Variants in MYO9A observed in about 807,000 individuals in gnomAD.
MYO9A encodes myosin IXA.
In MYO9A, 103 loss-of-function variants were observed where a neutral mutation model predicts 293.3. The ratio of observed to expected loss-of-function variants is 0.35; its 90% CI spans 0.30 to 0.41. The LOEUF is 0.41. MYO9A is among the 10% of genes least tolerant of loss of function. MYO9A has a pLI of 1.00. For synonymous variants in MYO9A, 1,001 were observed against 1,035.7 expected (o/e 0.97, Z 0.64); for missense variants, 2,685 against 3,033.0 (o/e 0.89, Z 2.69).
intron 1 of MYO9A, among the ~76,000 whole-genome samples, chr15:72,077,748 AAAAAATATATAT>A (rs1285666559): frequency 7.0e-3 from 231 of 32,806 alleles, no homozygotes; most frequent in African/African-American, 0.022. Flanking sequence ...AAAAAAAAAA[AAAAAATATATAT>A]ATATATATAT....
Position 71,846,922 on chromosome 15 carries a change from G to A in MYO9A, c.6837+1923C>T, listed in dbSNP as rs1051502434. Among the ~76,000 whole-genome samples, 21 of 152,256 alleles carry A rather than the reference G, an allele frequency of 1.4e-4. 1 individual carries two copies. The East Asian group carries it at 4.1e-3, about 29-fold the overall frequency. On this transcript the variant is annotated intron_variant, in intron 39 of 41. Coordinates refer to ENST00000356056, the MANE Select transcript of MYO9A (RefSeq NM_006901.4). ...TAGCTCTGTCTGATAAATGCTAAGT[G>A]GATAAGAACCATATTTCTACATCTG...
chr15:71,859,882 AC>A, intron 33 of MYO9A, 86 bp from the exon 34 acceptor site: 2 of 1,189,354 alleles, frequency 1.7e-6, no homozygotes, highest in Non-Finnish European at 2.4e-6. Flanking sequence ...TTTTAGACCT[AC>A]GTTTTTTTCT....
intron 12 of MYO9A, among the ~76,000 whole-genome samples, chr15:71,975,128 TTGAGTG>T (rs2076104698): frequency 6.6e-6 from 1 of 152,194 alleles, no homozygotes; most frequent in African/African-American, 2.4e-5. Context: ...GCCTGCAAAC[TTGAGTG>T]GTCTCTCCCT....
chr15:72,114,354 C>G (rs1236672298), intron 1 of MYO9A: 1 of 152,162 alleles, frequency 6.6e-6, no homozygotes, highest in African/African-American at 2.4e-5. Flanking sequence ...AGAAGCCCAA[C>G]AAACAGATAT....
At chr15:71,966,265 AGTGTGTGTGTGTGT>A (rs377708464) in intron 13 of MYO9A, among the ~76,000 whole-genome samples, 11 of 134,954 alleles carry the variant, frequency 8.2e-5, no homozygotes, top group East Asian at 4.4e-4. Context: ...ATCCCAGGCA[AGTGTGTGTGTGTGT>A]GTGTGTGTGT....
chr15:72,048,072 A>G (rs1416504242), intron 1 of MYO9A, among the ~76,000 whole-genome samples: 1 of 152,056 alleles, frequency 6.6e-6, no homozygotes, highest in East Asian at 1.9e-4. Context: ...TGGTCTTTCA[A>G]ACACAGAGAT....
chr15:72,064,036 T>A (rs1415547702), intron 1 of MYO9A, among the ~76,000 whole-genome samples: 1 of 152,196 alleles, frequency 6.6e-6, no homozygotes, highest in East Asian at 1.9e-4. Context: ...GAGGATACTA[T>A]GTTAAGCAAA....
rs2054470128 is a variant in MYO9A, at chr15:71,825,987, T to C, written c.*593A>G. Reference sequence around the variant, plus strand: ...ATGGCTTAATGGAAACAATCACGGTTTTTTTTTGTTTTTTTTTTTTTGTTT... The same window carrying C: ...ATGGCTTAATGGAAACAATCACGGTCTTTTTTTGTTTTTTTTTTTTTGTTT... On this transcript the variant is annotated 3_prime_UTR_variant, in exon 42 of 42. Transcript: ENST00000356056. The C allele has an allele frequency of 1.7e-5, 2 of 116,688 alleles. No individual in the cohort carries two copies. Among genetic ancestry groups the C allele is most frequent in the Non-Finnish European group, 3.3e-5 (2 of 60,410 alleles). 7.2% of individuals were successfully genotyped at this position (116,688 alleles called of 1,614,324 possible). A position where few individuals can be genotyped will look rare whatever the true frequency, so the allele number is the denominator to read the frequency against.
In MYO9A at chr15:72,032,535, C is replaced by T. The variant is rs2077905811; in HGVS notation, c.894G>A (p.Lys298=). 1 of 1,609,556 alleles carries T rather than the reference C, an allele frequency of 6.2e-7. No homozygotes were observed. The highest frequency in any genetic ancestry group is 1.7e-5 in the Admixed American group (1 of 59,352). Residue 298 remains lysine (K), a synonymous_variant, in exon 3 of 42, where the codon AAG becomes AAA. Transcript: ENST00000356056. ...AHNNNSSRFG[K]FIQVNYQETG... is the part of the protein sequence containing the mutation. The stretch of plus-strand genomic sequence containing the variant: ...TTTCCTGGTAATTTACTTGAATAAA[C>T]TTCCCAAAACGACTTGAATTGTTAT...
chr15:71,967,699 T>C (rs1311210627), intron 13 of MYO9A, among the ~76,000 whole-genome samples: 2 of 152,124 alleles, frequency 1.3e-5, no homozygotes, highest in African/African-American at 2.4e-5. Flanking sequence ...CATAAACAAG[T>C]GAGTTTGGGA....
intron 12 of MYO9A, among the ~76,000 whole-genome samples, chr15:71,976,937 A>G (rs908036679): frequency 4.6e-5 from 7 of 152,212 alleles, no homozygotes; most frequent in Non-Finnish European, 2.9e-5. Context: ...TAAACTAGAA[A>G]TCAGGTAAAT....
chr15:72,017,653 T>A (rs2077384615), intron 6 of MYO9A, among the ~76,000 whole-genome samples: 1 of 152,162 alleles, frequency 6.6e-6, no homozygotes, highest in Non-Finnish European at 1.5e-5. Flanking sequence ...CTAAAAAAAA[T>A]TATTATTCAT....
chr15:71,852,361 T>TC (rs1272820532), intron 35 of MYO9A, 101 bp from the exon 36 acceptor site: 1 of 1,099,900 alleles, frequency 9.1e-7, no homozygotes, highest in African/African-American at 1.7e-5. Context: ...GCTTCATGTT[T>TC]CTTTTTTTTT....
rs768406437 is a variant in MYO9A, at chr15:71,899,640, T to C, written c.3470+47A>G. The C allele has an allele frequency of 4.0e-6, 6 of 1,499,728 alleles. No homozygotes were observed. The Admixed American group carries it at 5.8e-5, about 15-fold the overall frequency. The allele number at this position is 1,499,728 out of a possible 1,614,324, so 92.9% of individuals were successfully genotyped here. A position where few individuals can be genotyped will look rare whatever the true frequency, so the allele number is the denominator to read the frequency against. ...TGTTAATGCAGAGGTATAAACAAAG[T>C]ACTTGGGAAGAAGAAAAAAAGCAAT... On this transcript the variant is annotated intron_variant, in intron 24 of 41. Transcript: ENST00000356056.
In MYO9A at chr15:71,935,495, T is replaced by C. The variant is rs1313565953; in HGVS notation, c.2379-11A>G. ...ATATCAAATGTATCACTGTAAAAAATATAATTTGCTTTAGTTAATGAAGAC... is the reference window on the plus strand; with the variant it reads ...ATATCAAATGTATCACTGTAAAAAACATAATTTGCTTTAGTTAATGAAGAC... On this transcript the variant is annotated splice_polypyrimidine_tract_variant and intron_variant, in intron 16 of 41. Transcript: ENST00000356056. 1 of 1,611,658 alleles carries C rather than the reference T, an allele frequency of 6.2e-7. No individual in the cohort carries two copies. The highest frequency in any genetic ancestry group is 1.3e-5 in the African/African-American group (1 of 74,936).
chr15:71,897,272 G>T, intron 25 of MYO9A, 189 bp downstream of exon 25: 1 of 622,300 alleles, frequency 1.6e-6, no homozygotes, highest in Non-Finnish European at 2.7e-6. Context: ...GATCAGTCAA[G>T]GATTCCTAGG....
chr15:72,093,269 T>C (rs1292048971), intron 1 of MYO9A, among the ~76,000 whole-genome samples: 1 of 152,226 alleles, frequency 6.6e-6, no homozygotes, highest in Non-Finnish European at 1.5e-5. Flanking sequence ...GGCTCATGCC[T>C]GTAATTTCAG....
At chr15:71,903,085 T>C in intron 21 of MYO9A, 22 bp from the exon 22 acceptor site, 4 of 1,564,558 alleles carry the variant, frequency 2.6e-6, no homozygotes, top group Non-Finnish European at 3.5e-6. Context: ...TTTAAAAATA[T>C]TGTAAAATCA....
chr15:72,006,263 T>C (rs1006413513), intron 8 of MYO9A, among the ~76,000 whole-genome samples: 4 of 151,868 alleles, frequency 2.6e-5, no homozygotes, highest in Non-Finnish European at 5.9e-5. Context: ...TTTTTTGTTG[T>C]TGTTGTTGTT....
Sources: gnomAD v4.1 joint callset for allele counts (sites outside exome capture counted in the v4.1 genomes callset) on GRCh38, gnomAD v4.1.1 for gene constraint, MANE v1.5 for transcripts, NCBI Gene and HGNC (gene_info 2026-07-23, HGNC 2026-07-21) for gene names.